The following PHF2 variants were observed in gnomAD, a reference collection of about 807,000 sequenced individuals.
PHF2 encodes lysine-specific demethylase PHF2.
PHF2 carries 27 observed loss-of-function variants against 120.5 expected under a neutral mutation model. That is an observed-to-expected ratio of 0.22 (90% CI 0.17 to 0.31). The LOEUF is 0.31. Among genes scored for constraint, PHF2 ranks in the 10% least tolerant of loss-of-function variants. The pLI is 1.00. For synonymous variants in PHF2, 568 were observed against 592.5 expected (o/e 0.96, Z 0.60); for missense variants, 1,024 against 1,434.8 (o/e 0.71, Z 4.63).
chr9:93,678,894 G>T lies in PHF2; in HGVS notation c.*1218G>T. 1 of 162,064 alleles carries T rather than the reference G, an allele frequency of 6.2e-6. No homozygotes were observed. Among genetic ancestry groups the T allele is most frequent in the Non-Finnish European group, 1.3e-5 (1 of 74,126 alleles). 10.0% of individuals were successfully genotyped at this position (162,064 alleles called of 1,614,324 possible). ...TATTATTATTATTTTTTTCTTTTAAGAACTAAGGTATTGCCTGAAAAACAA... is the reference window on the plus strand; with the variant it reads ...TATTATTATTATTTTTTTCTTTTAATAACTAAGGTATTGCCTGAAAAACAA... On this transcript the variant is annotated 3_prime_UTR_variant, in exon 22 of 22. Transcript: ENST00000359246.
chr9:93,660,441 G>C lies in PHF2; in HGVS notation c.1579G>C (p.Gly527Arg), dbSNP rs774348404. 6.4e-7 allele frequency: 1 copy of C among 1,562,374 alleles called. No individual in the cohort carries two copies. Among genetic ancestry groups the C allele is most frequent in the Non-Finnish European group, 8.7e-7 (1 of 1,154,282 alleles). ...PPKTLKLKDGGKKKGKKSRES... is the reference protein window; with the variant it reads ...PPKTLKLKDGRKKKGKKSRES... ...CAAAACGCTGAAGCTCAAAGATGGAGGCAAGAAGAAAGGGAAGAAGTCCCG... is the reference window on the plus strand; with the variant it reads ...CAAAACGCTGAAGCTCAAAGATGGACGCAAGAAGAAAGGGAAGAAGTCCCG... Residue 527 changes from glycine to arginine, a missense_variant, in exon 12 of 22, where the codon GGC (glycine) becomes CGC (arginine). By Grantham distance (125) the Gly-to-Arg change is moderately radical (BLOSUM62 -2). This residue lies in a region of PHF2 where 677 missense variants were observed against 857.4 expected (regional missense o/e 0.79). Transcript: ENST00000359246.
At chr9:93,632,026 G>A (rs750336603) in intron 2 of PHF2, among the ~76,000 whole-genome samples, 2 of 152,112 alleles carry the variant, frequency 1.3e-5, no homozygotes, top group Non-Finnish European at 2.9e-5. Flanking sequence ...GGCTGGGCAG[G>A]TTTCACATAT....
At chr9:93,663,123 G>A (rs1826608618) in intron 13 of PHF2, 97 bp downstream of exon 13, 2 of 1,516,242 alleles carry the variant, frequency 1.3e-6, no homozygotes, top group Admixed American at 1.8e-5. Flanking sequence ...GAAGGAATGT[G>A]CAGACATGTG....
At chr9:93,579,810 T>C in intron 1 of PHF2, among the ~76,000 whole-genome samples, 1 of 152,210 alleles carries the variant, frequency 6.6e-6, no homozygotes, top group East Asian at 1.9e-4. Context: ...GCGTCTTTGC[T>C]CTTGGCAGCT....
chr9:93,600,030 A>C (rs1357918944), intron 1 of PHF2, among the ~76,000 whole-genome samples: 1 of 152,164 alleles, frequency 6.6e-6, no homozygotes, highest in Non-Finnish European at 1.5e-5. Flanking sequence ...CTGCGTGGCC[A>C]GGTGAGAGGA....
At chr9:93,603,516 T>G (rs1825484267) in intron 1 of PHF2, among the ~76,000 whole-genome samples, 1 of 152,152 alleles carries the variant, frequency 6.6e-6, no homozygotes, top group African/African-American at 2.4e-5. Flanking sequence ...AGCCCTCACC[T>G]TGGGACCTAC....
chr9:93,662,934 A>T lies in PHF2; in HGVS notation c.1726A>T (p.Asn576Tyr). Reference protein sequence around the residue: ...KATKSVLSVPNKDVVHMQNDV... With the variant: ...KATKSVLSVPYKDVVHMQNDV... The stretch of plus-strand genomic sequence containing the variant: ...CACAAAGAGTGTCCTGAGTGTGCCC[A>T]ACAAAGATGTGGTTCACATGCAGAA... Residue 576 changes from asparagine (N) to tyrosine (Y), a missense_variant, in exon 13 of 22, where the codon AAC (asparagine) becomes TAC (tyrosine). By Grantham distance (143) the Asn-to-Tyr change is moderately radical (BLOSUM62 -2). Coordinates refer to ENST00000359246, the MANE Select transcript of PHF2 (RefSeq NM_005392.4). 1 of 1,614,092 alleles carries T rather than the reference A, an allele frequency of 6.2e-7. No individual in the cohort carries two copies. The highest frequency in any genetic ancestry group is 1.1e-5 in the South Asian group (1 of 91,084).
intron 16 of PHF2, 148 bp from the exon 17 acceptor site, chr9:93,666,932 A>C (rs1299910526): frequency 8.3e-6 from 3 of 362,106 alleles, no homozygotes; most frequent in East Asian, 6.9e-5. Context: ...TCAAAACTAA[A>C]TAAATAAATA....
chr9:93,577,137 G>T (rs1398781775), intron 1 of PHF2, among the ~76,000 whole-genome samples: 1 of 149,342 alleles, frequency 6.7e-6, no homozygotes, highest in Admixed American at 6.6e-5. Context: ...CCGGGAGGTG[G>T]GCTCGGGGCT....
At chr9:93,589,805 C>G (rs540385986) in intron 1 of PHF2, among the ~76,000 whole-genome samples, 1 of 152,356 alleles carries the variant, frequency 6.6e-6, no homozygotes, top group Admixed American at 6.5e-5. Context: ...GGACTCCCAG[C>G]TCCAGTGATG....
At chr9:93,635,926 G>C (rs564222584) in intron 2 of PHF2, among the ~76,000 whole-genome samples, 19 of 152,106 alleles carry the variant, frequency 1.2e-4, no homozygotes, top group Admixed American at 7.2e-4. Flanking sequence ...CACCTGGGGA[G>C]GTGGGGAGGA....
chr9:93,589,897 G>C (rs935030665), intron 1 of PHF2, among the ~76,000 whole-genome samples: 5 of 152,132 alleles, frequency 3.3e-5, no homozygotes, highest in Non-Finnish European at 5.9e-5. Flanking sequence ...CAGTGACCCT[G>C]GGTCGTCACT....
At chr9:93,614,144 A>T (rs1825683672) in intron 1 of PHF2, among the ~76,000 whole-genome samples, 1 of 152,224 alleles carries the variant, frequency 6.6e-6, no homozygotes. Context: ...CTCTAGAGTG[A>T]GTGACTTTGG....
Position 93,665,841 on chromosome 9 carries a change from A to C in PHF2, c.2093A>C (p.Asn698Thr). The change falls in exon 15 of 22, where the codon AAC becomes ACC. Residue 698 changes from asparagine to threonine, a missense_variant. Physicochemically the swap from Asn to Thr is moderately conservative, Grantham distance 65. Around this residue, in one of 2 missense-constraint regions of PHF2, gnomAD observed 677 missense variants for 857.4 expected, o/e 0.79. Transcript: ENST00000359246. The part of the protein sequence containing the change: ...IDEFPIRRKK[N>T]APKRDLSFLL... ...GAGTTTCCCATCAGGAGGAAGAAAA[A>C]CGCCCCGAAAAGGGACTTGTCCTGT... 1 of 1,580,724 alleles carries C rather than the reference A, an allele frequency of 6.3e-7. No individual in the cohort carries two copies. Among genetic ancestry groups the C allele is most frequent in the Non-Finnish European group, 8.6e-7 (1 of 1,161,704 alleles).
chr9:93,578,563 C>T (rs1377371036), intron 1 of PHF2, among the ~76,000 whole-genome samples: 5 of 152,246 alleles, frequency 3.3e-5, no homozygotes, highest in Non-Finnish European at 4.4e-5. Flanking sequence ...GCACCTGTGT[C>T]AGCTCCTGGC....
chr9:93,611,374 C>T, intron 1 of PHF2, among the ~76,000 whole-genome samples: 1 of 150,890 alleles, frequency 6.6e-6, no homozygotes, highest in Admixed American at 6.6e-5. Context: ...GAGATCATGC[C>T]ATTGCACTCC....
intron 1 of PHF2, among the ~76,000 whole-genome samples, chr9:93,619,725 C>A (rs1474423928): frequency 6.6e-6 from 1 of 152,250 alleles, no homozygotes; most frequent in Non-Finnish European, 1.5e-5. Flanking sequence ...GTTGCGGCCC[C>A]TGAAGTTTGC....
intron 1 of PHF2, among the ~76,000 whole-genome samples, chr9:93,612,366 G>A (rs118020939): frequency 2.6e-4 from 40 of 152,324 alleles, no homozygotes; most frequent in Non-Finnish European, 5.3e-4. Flanking sequence ...TTGTTGGTCT[G>A]TGGCAGCAGG....
chr9:93,667,145 C>T lies in PHF2; in HGVS notation c.2253C>T (p.Ala751=). The change falls in exon 17 of 22, where the codon GCC becomes GCT. Residue 751 remains alanine, a synonymous_variant. Transcript: ENST00000359246. ...IDTDTKPGRN[A]RVKKESGSSA... ...CAGACACCAAGCCCGGCCGCAATGC[C>T]AGAGTCAAGAAGGAGAGTGGGAGCT... is the stretch of plus-strand genomic sequence containing the variant. 1 of 1,613,292 alleles carries T rather than the reference C, an allele frequency of 6.2e-7. No individual in the cohort carries two copies. Among genetic ancestry groups the T allele is most frequent in the Non-Finnish European group, 8.5e-7 (1 of 1,179,986 alleles).
Sources: allele counts gnomAD v4.1 joint callset (sites outside exome capture counted in the v4.1 genomes callset), GRCh38; gene constraint gnomAD v4.1.1; regional missense constraint gnomAD v4.1.1; transcripts MANE v1.5; gene names NCBI Gene and HGNC (gene_info 2026-07-23, HGNC 2026-07-21).